The following NCAM1 variants were observed in gnomAD, a reference collection of about 807,000 sequenced individuals.
The protein encoded by NCAM1 is neural cell adhesion molecule 1.
NCAM1 carries 14 observed loss-of-function variants against 109.8 expected under a neutral mutation model. The observed-to-expected ratio is 0.13, with a 90% CI of 0.08 to 0.20. NCAM1 has a LOEUF of 0.20. NCAM1 is among the 10% of genes least tolerant of loss of function. NCAM1 has a pLI of 1.00. For missense variants in NCAM1, 774 were observed against 1,109.9 expected (o/e 0.70, Z 4.30); for synonymous variants, 418 against 442.9 (o/e 0.94, Z 0.70).
At chr11:113,199,700 G>A (rs565248207) in intron 1 of NCAM1, among the ~76,000 whole-genome samples, 2 of 151,790 alleles carry the variant, frequency 1.3e-5, no homozygotes, top group African/African-American at 2.4e-5. Context: ...GAGTTAATGG[G>A]TGTAGCACAC....
At chr11:113,047,245 A>G (rs1477106205) in intron 1 of NCAM1, among the ~76,000 whole-genome samples, 1 of 152,200 alleles carries the variant, frequency 6.6e-6, no homozygotes, top group Non-Finnish European at 1.5e-5. Context: ...TATTTAACTA[A>G]GTATTTATTG....
intron 1 of NCAM1, among the ~76,000 whole-genome samples, chr11:113,177,807 C>T (rs782802826): frequency 1.3e-5 from 2 of 152,056 alleles, no homozygotes; most frequent in Admixed American, 6.6e-5. Flanking sequence ...AGCCTGGAGC[C>T]GCTGAGGTGG....
chr11:113,058,661 A>C (rs960874645), intron 1 of NCAM1, among the ~76,000 whole-genome samples: 7 of 152,188 alleles, frequency 4.6e-5, no homozygotes, highest in African/African-American at 1.7e-4. Flanking sequence ...CAGATGGTGC[A>C]GAACTGCTTC....
chr11:113,072,784 C>G (rs1555085504), intron 1 of NCAM1, among the ~76,000 whole-genome samples: 1 of 149,440 alleles, frequency 6.7e-6, no homozygotes, highest in Admixed American at 6.7e-5. Flanking sequence ...AGATTTTAGA[C>G]CAATAATCAT....
chr11:113,134,636 C>A (rs1350452834), intron 1 of NCAM1, among the ~76,000 whole-genome samples: 1 of 152,114 alleles, frequency 6.6e-6, no homozygotes, highest in African/African-American at 2.4e-5. Context: ...GTCCTATAAC[C>A]CAGCATCCTT....
intron 1 of NCAM1, among the ~76,000 whole-genome samples, chr11:113,117,491 G>C (rs561581014): frequency 4.2e-4 from 64 of 151,982 alleles, no homozygotes; most frequent in African/African-American, 1.5e-3. Flanking sequence ...CCAACTATTT[G>C]TGTTGTGAAA....
intron 1 of NCAM1, among the ~76,000 whole-genome samples, chr11:113,187,255 A>G (rs1281055999): frequency 6.6e-6 from 1 of 152,198 alleles, no homozygotes; most frequent in Admixed American, 6.5e-5. Context: ...CTTCCTCGTG[A>G]CATTACAAAA....
At position 113,029,193 on chromosome 11, in the gene NCAM1, T is replaced by C. The variant is rs191963819; in HGVS notation, c.52+67529T>C. On this transcript the variant is annotated intron_variant, in intron 1 of 19. Transcript: ENST00000316851. ...ACAGGATTGGTTGGCAATCAATAAC[T>C]GTATGTGTTTCTTGGAAGTTATCTG... 1.0e-3 allele frequency among the ~76,000 whole-genome samples: 157 copies of C among 152,338 alleles called. 3 individuals are homozygous for C. Among genetic ancestry groups the C allele is most frequent in the African/African-American group, 3.7e-3 (154 of 41,574 alleles).
chr11:112,984,949 A>G (rs987567544), intron 1 of NCAM1, among the ~76,000 whole-genome samples: 5 of 148,832 alleles, frequency 3.4e-5, no homozygotes, highest in Non-Finnish European at 7.5e-5. Flanking sequence ...GCACTATCCT[A>G]TTTTTTTTTT....
intron 8 of NCAM1, among the ~76,000 whole-genome samples, chr11:113,220,602 CTTTTTT>C (rs1175342641): frequency 7.7e-4 from 58 of 75,588 alleles, no homozygotes; most frequent in African/African-American, 2.6e-3. Context: ...CTCTCTCTCT[CTTTTTT>C]TTTTTTTTTT....
intron 1 of NCAM1, among the ~76,000 whole-genome samples, chr11:113,040,730 T>A (rs7942268): frequency 0.01 from 1,536 of 152,344 alleles, 25 homozygotes; most frequent in African/African-American, 0.034. Context: ...TCCTCTCTTA[T>A]AAAGTGATGG....
At chr11:112,993,414 C>A (rs539467553) in intron 1 of NCAM1, among the ~76,000 whole-genome samples, 2 of 152,282 alleles carry the variant, frequency 1.3e-5, no homozygotes, top group East Asian at 3.9e-4. Context: ...CTCCATGATC[C>A]AAGCATCTTC....
intron 1 of NCAM1, among the ~76,000 whole-genome samples, chr11:113,115,119 T>G (rs187722368): frequency 4.1e-4 from 62 of 152,298 alleles, no homozygotes; most frequent in Non-Finnish European, 2.4e-4. Context: ...GGGAGCAAGG[T>G]GGCTGTGCCT....
At chr11:113,001,725 G>T (rs539952737) in intron 1 of NCAM1, among the ~76,000 whole-genome samples, 1 of 152,226 alleles carries the variant, frequency 6.6e-6, no homozygotes, top group East Asian at 1.9e-4. Context: ...AGGTGTCTTA[G>T]TGCCCTGAGT....
At chr11:112,995,177 A>AC (rs1164939594) in intron 1 of NCAM1, among the ~76,000 whole-genome samples, 3 of 141,910 alleles carry the variant, frequency 2.1e-5, no homozygotes, top group Non-Finnish European at 3.1e-5. Flanking sequence ...ATGAATGCTA[A>AC]ACTGCATCCT....
intron 14 of NCAM1, among the ~76,000 whole-genome samples, chr11:113,239,399 A>G (rs1945261127): frequency 6.6e-6 from 1 of 152,006 alleles, no homozygotes; most frequent in Non-Finnish European, 1.5e-5. Flanking sequence ...ACCCACCTTC[A>G]TAATTTCATT....
chr11:113,113,881 A>C (rs1591337164), intron 1 of NCAM1, among the ~76,000 whole-genome samples: 1 of 152,168 alleles, frequency 6.6e-6, no homozygotes, highest in Non-Finnish European at 1.5e-5. Flanking sequence ...CAATGGATGG[A>C]GATCCAGGAA....
chr11:113,214,317 C>T, intron 7 of NCAM1, 52 bp from the exon 8 acceptor site: 1 of 1,591,544 alleles, frequency 6.3e-7, no homozygotes, highest in Non-Finnish European at 8.6e-7. Context: ...ATCATTTAAA[C>T]CCAGAAAGCT....
At position 113,126,323 on chromosome 11, in the gene NCAM1, C is replaced by T. The variant is rs576534057; in HGVS notation, c.53-76056C>T. 3.3e-5 allele frequency among the ~76,000 whole-genome samples: 5 copies of T among 151,052 alleles called. No individual in the cohort carries two copies. In the South Asian group the frequency reaches 1.1e-3, roughly 32 times the overall value. On this transcript the variant is annotated intron_variant, in intron 1 of 19. Transcript: ENST00000316851. ...TGTGCTTTCCAGTATCAGCTCTGGT[C>T]TCTGTGCCACTCAGAGAGGATTGGG... is the stretch of plus-strand genomic sequence containing the variant.
Sources: allele counts gnomAD v4.1 joint callset (sites outside exome capture counted in the v4.1 genomes callset), GRCh38; gene constraint gnomAD v4.1.1; transcripts MANE v1.5; gene names NCBI Gene and HGNC (gene_info 2026-07-23, HGNC 2026-07-21).